Variants in ELMO1 observed in about 807,000 individuals in gnomAD.
ELMO1 encodes the protein engulfment and cell motility 1, also known as engulfment and cell motility protein 1.
ELMO1 carries 26 observed loss-of-function variants against 98.9 expected under a neutral mutation model. That is an observed-to-expected ratio of 0.26 (90% confidence interval 0.19 to 0.36). ELMO1 has a LOEUF of 0.36. ELMO1 is among the 10% of genes least tolerant of loss of function. ELMO1 has a pLI of 1.00. For missense variants in ELMO1, 627 were observed against 935.2 expected (o/e 0.67, Z 4.30); for synonymous variants, 346 against 346.0 (o/e 1.00, Z 0.00).
chr7:37,056,547 C>G (rs75337169), intron 15 of ELMO1, among the ~76,000 whole-genome samples: 26 of 152,168 alleles, frequency 1.7e-4, no homozygotes, highest in Non-Finnish European at 2.8e-4. Context: ...AAAAGGATGA[C>G]ATGGAAAATT....
At chr7:37,174,074 C>A (rs111644250) in intron 13 of ELMO1, among the ~76,000 whole-genome samples, 1 of 152,198 alleles carries the variant, frequency 6.6e-6, no homozygotes, top group Admixed American at 6.5e-5. Flanking sequence ...AATTCCTTAA[C>A]GTATTAAATG....
intron 13 of ELMO1, among the ~76,000 whole-genome samples, chr7:37,209,969 A>C (rs1792859852): frequency 6.6e-6 from 1 of 152,276 alleles, no homozygotes; most frequent in African/African-American, 2.4e-5. Context: ...CTGAATATGC[A>C]GTAAGTATTC....
chr7:36,999,701 T>C (rs973621143), intron 16 of ELMO1, among the ~76,000 whole-genome samples: 1 of 152,228 alleles, frequency 6.6e-6, no homozygotes, highest in Admixed American at 6.5e-5. Flanking sequence ...GGTTGAGCCA[T>C]TTGAAATTGC....
intron 1 of ELMO1, among the ~76,000 whole-genome samples, chr7:37,404,582 G>T (rs1440829421): frequency 6.6e-6 from 1 of 152,118 alleles, no homozygotes; most frequent in East Asian, 1.9e-4. Context: ...TTCCAATAAA[G>T]GTTCTCCTAT....
Position 36,946,807 on chromosome 7 carries a change from G to A in ELMO1, c.1438-51790C>T, listed in dbSNP as rs144384538. Among the ~76,000 whole-genome samples the A allele has an allele frequency of 6.6e-5, 10 of 151,954 alleles. No individual in the cohort carries two copies. The South Asian group carries it at 1.7e-3, about 25-fold the overall frequency. On this transcript the variant is annotated intron_variant, in intron 16 of 21. Transcript: ENST00000310758. ...CTTCTCACTCCCCACCTTCTTCCTC[G>A]GTGAGATCATCTATTCAAATGACTT...
chr7:37,258,160 C>T (rs1335429883), intron 6 of ELMO1, among the ~76,000 whole-genome samples: 4 of 152,060 alleles, frequency 2.6e-5, no homozygotes, highest in South Asian at 2.1e-4. Context: ...CCTAGCTACT[C>T]GGGAGCCTGA....
intron 13 of ELMO1, among the ~76,000 whole-genome samples, chr7:37,149,356 C>T (rs916039352): frequency 2.4e-4 from 36 of 152,194 alleles, no homozygotes; most frequent in Admixed American, 8.5e-4. Flanking sequence ...GGAGCCAACA[C>T]ATACATAGCA....
At chr7:37,022,232 G>A (rs1452475279) in intron 15 of ELMO1, among the ~76,000 whole-genome samples, 2 of 152,102 alleles carry the variant, frequency 1.3e-5, no homozygotes, top group African/African-American at 4.8e-5. Context: ...TTAATCATAA[G>A]AAAACTGTTT....
At chr7:37,000,137 A>G (rs1046008633) in intron 16 of ELMO1, among the ~76,000 whole-genome samples, 4 of 152,242 alleles carry the variant, frequency 2.6e-5, no homozygotes, top group African/African-American at 9.6e-5. Context: ...GGGCAAAAGT[A>G]TGTCCATTTT....
At chr7:37,358,034 A>G (rs1158280545) in intron 1 of ELMO1, among the ~76,000 whole-genome samples, 1 of 152,150 alleles carries the variant, frequency 6.6e-6, no homozygotes, top group African/African-American at 2.4e-5. Flanking sequence ...TGATCTGCTC[A>G]CTGGTATCCC....
At chr7:36,956,546 A>T (rs1453849378) in intron 16 of ELMO1, among the ~76,000 whole-genome samples, 2 of 152,030 alleles carry the variant, frequency 1.3e-5, no homozygotes, top group Non-Finnish European at 2.9e-5. Flanking sequence ...GACTGCATAT[A>T]AAAAAAAGGT....
intron 16 of ELMO1, among the ~76,000 whole-genome samples, chr7:36,946,542 C>G (rs1013053431): frequency 1.8e-4 from 27 of 152,228 alleles, no homozygotes; most frequent in African/African-American, 6.0e-4. Context: ...TGTTCCGCAA[C>G]CACCTCTGTG....
intron 13 of ELMO1, among the ~76,000 whole-genome samples, chr7:37,209,248 C>A (rs1792823075): frequency 6.6e-6 from 1 of 152,156 alleles, no homozygotes; most frequent in Non-Finnish European, 1.5e-5. Flanking sequence ...TTACAGATAG[C>A]TCTCACAGGG....
chr7:37,310,519 G>T (rs1321278855), intron 4 of ELMO1, among the ~76,000 whole-genome samples: 1 of 152,224 alleles, frequency 6.6e-6, no homozygotes, highest in Non-Finnish European at 1.5e-5. Context: ...TGAAGCTCTA[G>T]TAAGTGGAAG....
intron 13 of ELMO1, among the ~76,000 whole-genome samples, chr7:37,143,920 A>C (rs147331242): frequency 0.027 from 4,054 of 151,992 alleles, 145 homozygotes; most frequent in African/African-American, 0.081. Flanking sequence ...CATGTTGGCC[A>C]GGCTGGTCTC....
In ELMO1 at chr7:37,361,256, G is replaced by A. The variant is rs180750758; in HGVS notation, c.-73-18493C>T. Among the ~76,000 whole-genome samples the A allele has an allele frequency of 2.6e-5, 4 of 152,218 alleles. No homozygotes were observed. The East Asian group carries it at 7.7e-4, about 29-fold the overall frequency. On this transcript the variant is annotated intron_variant, in intron 1 of 21. Coordinates refer to ENST00000310758, the MANE Select transcript of ELMO1 (RefSeq NM_014800.11). ...AAAACAACTCAAATGTCCATCAATC[G>A]ATGAATAAACAAAACGTCATCCATA...
At chr7:37,182,264 A>G (rs1326837105) in intron 13 of ELMO1, among the ~76,000 whole-genome samples, 2 of 152,162 alleles carry the variant, frequency 1.3e-5, no homozygotes, top group Non-Finnish European at 2.9e-5. Flanking sequence ...GTAGAGTTTT[A>G]TACACCGGCA....
intron 16 of ELMO1, among the ~76,000 whole-genome samples, chr7:36,958,129 C>T (rs1788620598): frequency 6.6e-6 from 1 of 152,164 alleles, no homozygotes; most frequent in South Asian, 2.1e-4. Context: ...CATGGCTTCA[C>T]TTTCCTCATT....
intron 14 of ELMO1, among the ~76,000 whole-genome samples, chr7:37,121,533 A>C (rs1005878478): frequency 6.6e-6 from 1 of 152,234 alleles, no homozygotes; most frequent in Non-Finnish European, 1.5e-5. Context: ...CAGCGATGGA[A>C]GATCAAATGA....
Sources: gnomAD v4.1 joint callset for allele counts (sites outside exome capture counted in the v4.1 genomes callset) on GRCh38, gnomAD v4.1.1 for gene constraint, MANE v1.5 for transcripts, NCBI Gene and HGNC (gene_info 2026-07-23, HGNC 2026-07-21) for gene names.